The following EPHA6 variants were observed in gnomAD, a reference collection of about 807,000 sequenced individuals.
EPHA6 encodes the protein ephrin type-A receptor 6.
A neutral mutation model predicts 112.0 loss-of-function variants in EPHA6; 50 were observed. The ratio of observed to expected loss-of-function variants is 0.45; its 90% confidence interval spans 0.36 to 0.56. EPHA6 has a LOEUF of 0.56. Ranked by LOEUF, EPHA6 falls within the 20% of genes least tolerant of loss-of-function variation. The probability of loss-of-function intolerance (pLI) is 0.00; values close to 1 mark genes in which losing one functional copy is unlikely to be tolerated. For missense variants in EPHA6, 1,280 were observed against 1,417.4 expected, an observed-to-expected ratio of 0.90 and a Z score of 1.56; for synonymous variants, 529 against 490.7, an observed-to-expected ratio of 1.08 and a Z score of -1.03.
rs74991219 is a variant in EPHA6, at chr3:97,624,342, T to C, written c.2574+13488T>C. Among the ~76,000 whole-genome samples the C allele has an allele frequency of 4.3e-3, 646 of 151,830 alleles. 4 individuals are homozygous for C. Among genetic ancestry groups the C allele is most frequent in the African/African-American group, 0.015 (620 of 41,502 alleles). ...CATTCAGTTAATGTGGTGTGTTACA[T>C]TGACTGACTTTCATATTTGAACCAT... On this transcript the variant is annotated intron_variant, in intron 13 of 17. Coordinates refer to ENST00000389672, the MANE Select transcript of EPHA6 (RefSeq NM_001080448.3).
At chr3:97,392,835 TC>T (rs1456547934) in intron 5 of EPHA6, among the ~76,000 whole-genome samples, 1 of 151,788 alleles carries the variant, frequency 6.6e-6, no homozygotes, top group Non-Finnish European at 1.5e-5. Context: ...TCTTTTTTTT[TC>T]TGTACTTGGA....
At chr3:97,400,897 T>C (rs984710881) in intron 5 of EPHA6, among the ~76,000 whole-genome samples, 2 of 151,894 alleles carry the variant, frequency 1.3e-5, no homozygotes, top group East Asian at 1.9e-4. Flanking sequence ...CCAATTTGGA[T>C]ACCTTCTCTT....
chr3:97,115,785 A>G (rs1415126032), intron 3 of EPHA6, among the ~76,000 whole-genome samples: 2 of 151,892 alleles, frequency 1.3e-5, no homozygotes, highest in South Asian at 4.1e-4. Context: ...CCATATTGTT[A>G]TAGAATGAGA....
intron 3 of EPHA6, among the ~76,000 whole-genome samples, chr3:97,192,352 C>T (rs914926384): frequency 2.0e-5 from 3 of 152,006 alleles, no homozygotes; most frequent in Non-Finnish European, 4.4e-5. Flanking sequence ...AGGCTGGTCT[C>T]GAACTCCTGG....
At chr3:97,565,560 T>A (rs572847073) in intron 11 of EPHA6, among the ~76,000 whole-genome samples, 1 of 152,298 alleles carries the variant, frequency 6.6e-6, no homozygotes, top group African/African-American at 2.4e-5. Context: ...CTCAAATGTA[T>A]TAACATTTTA....
chr3:97,279,500 TA>T lies in EPHA6; in HGVS notation c.1606+35225del, dbSNP rs557809609. ...AAGTGAAGAGAATAGGAAATCTATT[TA>T]AAAAAAAAAAAGCAGGTCAGAGCAA... On this transcript the variant is annotated intron_variant, in intron 5 of 17. Transcript: ENST00000389672. Among the ~76,000 whole-genome samples the T allele has an allele frequency of 9.4e-3, 1,335 of 142,312 alleles. 21 individuals are homozygous for T. The highest frequency in any genetic ancestry group is 0.028 in the African/African-American group (1,119 of 39,530). 93.4% of individuals were successfully genotyped at this position (142,312 alleles called of 152,430 possible).
intron 10 of EPHA6, among the ~76,000 whole-genome samples, 160 bp downstream of exon 10, chr3:97,484,219 T>G (rs1271021599): frequency 1.3e-5 from 2 of 152,204 alleles, no homozygotes; most frequent in African/African-American, 4.8e-5. Flanking sequence ...TTAAGTATAT[T>G]TAGTGTCCAT....
Position 97,707,854 on chromosome 3 carries a change from C to T in EPHA6, c.2785-12407C>T, listed in dbSNP as rs1209812623. ...TGTTTGGCAGTTCCTCTCTCTCTCTCCTGCCACCATGTAAGATGTGCCTTG... is the reference window on the plus strand; with the variant it reads ...TGTTTGGCAGTTCCTCTCTCTCTCTTCTGCCACCATGTAAGATGTGCCTTG... On this transcript the variant is annotated intron_variant, in intron 14 of 17. Transcript: ENST00000389672. Among the ~76,000 whole-genome samples the T allele has an allele frequency of 2.6e-5, 4 of 152,148 alleles. No individual in the cohort carries two copies. The East Asian group carries it at 5.8e-4, about 22-fold the overall frequency.
intron 11 of EPHA6, among the ~76,000 whole-genome samples, 191 bp from the exon 12 acceptor site, chr3:97,592,421 T>A (rs1293992686): frequency 6.6e-6 from 1 of 152,004 alleles, no homozygotes. Context: ...ACTAGTTGAG[T>A]AGCTTTCTTT....
intron 11 of EPHA6, among the ~76,000 whole-genome samples, chr3:97,545,205 G>A (rs981937361): frequency 2.0e-5 from 3 of 151,892 alleles, no homozygotes; most frequent in African/African-American, 4.8e-5. Context: ...GGCATTTAGT[G>A]CTATAAATTT....
intron 5 of EPHA6, among the ~76,000 whole-genome samples, chr3:97,357,096 C>T (rs1240748636): frequency 1.3e-5 from 2 of 152,180 alleles, no homozygotes; most frequent in Non-Finnish European, 2.9e-5. Context: ...TATAGCCACC[C>T]TTGCTCTCTT....
chr3:97,136,625 A>G (rs1425291945), intron 3 of EPHA6, among the ~76,000 whole-genome samples: 2 of 152,138 alleles, frequency 1.3e-5, no homozygotes, highest in African/African-American at 4.8e-5. Context: ...GCAACTCAAG[A>G]GGTTGAGGTG....
intron 1 of EPHA6, among the ~76,000 whole-genome samples, chr3:96,833,002 A>G (rs2034184113): frequency 6.6e-6 from 1 of 151,790 alleles, no homozygotes; most frequent in African/African-American, 2.4e-5. Context: ...GGAACACAGA[A>G]TAAGTAACTT....
intron 10 of EPHA6, among the ~76,000 whole-genome samples, chr3:97,498,809 C>T (rs1237465105): frequency 6.6e-6 from 1 of 152,124 alleles, no homozygotes; most frequent in Non-Finnish European, 1.5e-5. Context: ...GAATCTAATG[C>T]CTGATGATCT....
chr3:96,991,104 C>T (rs1181666485), intron 3 of EPHA6, among the ~76,000 whole-genome samples: 1 of 152,064 alleles, frequency 6.6e-6, no homozygotes, highest in Non-Finnish European at 1.5e-5. Flanking sequence ...ATCCTCCTGC[C>T]TTAGCCTCCC....
intron 10 of EPHA6, among the ~76,000 whole-genome samples, chr3:97,522,823 C>T (rs1001708981): frequency 4.6e-5 from 7 of 152,194 alleles, no homozygotes; most frequent in East Asian, 1.9e-4. Context: ...AATTTATAAG[C>T]GTAAAGTTGT....
intron 3 of EPHA6, among the ~76,000 whole-genome samples, chr3:97,140,435 G>A (rs1389124792): frequency 6.6e-6 from 1 of 151,992 alleles, no homozygotes; most frequent in Non-Finnish European, 1.5e-5. Flanking sequence ...AAAACAGAGA[G>A]AAGCATCAAA....
chr3:96,993,203 G>A (rs144223184), intron 3 of EPHA6, among the ~76,000 whole-genome samples: 2 of 152,038 alleles, frequency 1.3e-5, no homozygotes, highest in East Asian at 1.9e-4. Context: ...TAATTTCCTG[G>A]GGCCACACAG....
At chr3:97,106,645 A>G (rs2047579606) in intron 3 of EPHA6, among the ~76,000 whole-genome samples, 1 of 152,130 alleles carries the variant, frequency 6.6e-6, no homozygotes, top group Non-Finnish European at 1.5e-5. Flanking sequence ...GGATACAGAA[A>G]GCCCTCTGTC....
Sources: allele counts gnomAD v4.1 joint callset (sites outside exome capture counted in the v4.1 genomes callset), GRCh38; gene constraint gnomAD v4.1.1; transcripts MANE v1.5; gene names NCBI Gene and HGNC (gene_info 2026-07-23, HGNC 2026-07-21).